The following NPAS3 variants were observed in gnomAD, a reference collection of about 807,000 sequenced individuals.
NPAS3 encodes neuronal PAS domain-containing protein 3.
A neutral mutation model predicts 73.1 loss-of-function variants in NPAS3; 14 were observed. That is an observed-to-expected ratio of 0.19 (90% CI 0.13 to 0.30). The LOEUF (loss-of-function observed/expected upper bound fraction) is 0.30, where lower values mean the gene tolerates loss of function less well. Ranked by LOEUF, NPAS3 falls within the 10% of genes least tolerant of loss-of-function variation. The pLI, the probability that NPAS3 is intolerant of heterozygous loss-of-function variation, is 1.00. For synonymous variants in NPAS3, 620 were observed against 541.5 expected (o/e 1.14, Z -2.01); for missense variants, 1,096 against 1,250.0 (o/e 0.88, Z 1.86).
chr14:33,185,335 A>G (rs972867336), intron 2 of NPAS3, among the ~76,000 whole-genome samples: 1 of 152,202 alleles, frequency 6.6e-6, no homozygotes, highest in African/African-American at 2.4e-5. Context: ...AAGGTTTCAC[A>G]TAGAGAGCCA....
At chr14:33,223,259 C>T (rs996626526) in intron 3 of NPAS3, among the ~76,000 whole-genome samples, 9 of 152,184 alleles carry the variant, frequency 5.9e-5, no homozygotes, top group Admixed American at 1.3e-4. Context: ...TGCAATGAGC[C>T]GAGACTGCGC....
At chr14:33,201,866 C>T (rs1291987236) in intron 2 of NPAS3, among the ~76,000 whole-genome samples, 2 of 152,076 alleles carry the variant, frequency 1.3e-5, no homozygotes, top group African/African-American at 4.8e-5. Flanking sequence ...CATCTGAGAA[C>T]TCTCAACAGT....
intron 4 of NPAS3, among the ~76,000 whole-genome samples, chr14:33,452,630 C>T (rs2049846631): frequency 2.6e-5 from 4 of 151,838 alleles, no homozygotes; most frequent in Admixed American, 2.6e-4. Context: ...AAAAAATTAG[C>T]CAGGCATGAT....
intron 6 of NPAS3, among the ~76,000 whole-genome samples, chr14:33,722,762 T>C (rs1358435485): frequency 6.6e-6 from 1 of 152,184 alleles, no homozygotes; most frequent in Admixed American, 6.5e-5. Context: ...CTCTAAATTA[T>C]TACAAAGTAT....
chr14:33,208,540 T>C (rs1003085501), intron 2 of NPAS3, among the ~76,000 whole-genome samples: 1 of 152,210 alleles, frequency 6.6e-6, no homozygotes, highest in Non-Finnish European at 1.5e-5. Flanking sequence ...GAGTATATCT[T>C]AGTTTAAAAA....
chr14:33,769,745 A>ATT (rs5807743), intron 7 of NPAS3, among the ~76,000 whole-genome samples: 33 of 103,328 alleles, frequency 3.2e-4, no homozygotes, highest in Non-Finnish European at 4.3e-4. Flanking sequence ...AAAGACTTGG[A>ATT]TTTTTTTTTT....
intron 3 of NPAS3, among the ~76,000 whole-genome samples, chr14:33,232,911 G>A (rs1326808892): frequency 1.3e-5 from 2 of 152,182 alleles, no homozygotes; most frequent in African/African-American, 4.8e-5. Flanking sequence ...GGCGAGTAGT[G>A]CTGGATGGTG....
At chr14:33,543,595 C>A (rs2054618280) in intron 4 of NPAS3, among the ~76,000 whole-genome samples, 1 of 151,996 alleles carries the variant, frequency 6.6e-6, no homozygotes, top group Non-Finnish European at 1.5e-5. Context: ...ATGGGATCTA[C>A]CCAGTGGATT....
intron 5 of NPAS3, among the ~76,000 whole-genome samples, chr14:33,603,967 A>G (rs530437319): frequency 1.3e-5 from 2 of 152,220 alleles, no homozygotes; most frequent in Non-Finnish European, 2.9e-5. Context: ...ACTTGAAGGC[A>G]GACTGTGATA....
At chr14:33,155,644 A>C (rs1276577942) in intron 2 of NPAS3, among the ~76,000 whole-genome samples, 1 of 152,206 alleles carries the variant, frequency 6.6e-6, no homozygotes, top group Non-Finnish European at 1.5e-5. Flanking sequence ...TTTCCTTAGC[A>C]GATAAACACA....
At chr14:33,546,567 T>C (rs745566353) in intron 4 of NPAS3, among the ~76,000 whole-genome samples, 5 of 152,264 alleles carry the variant, frequency 3.3e-5, no homozygotes, top group African/African-American at 7.2e-5. Context: ...CTGTAGGTTT[T>C]ACTCTGTATA....
Position 33,059,883 on chromosome 14 carries a change from C to T in NPAS3, c.140+3889C>T, listed in dbSNP as rs572960587. On this transcript the variant is annotated intron_variant, in intron 2 of 11. Coordinates refer to ENST00000356141, the Ensembl canonical transcript of NPAS3. ...GTGCAATCATAGCTCACTGCAGCCT[C>T]GAACTCCTGGGCTCAAGCTCCCAAG... is the stretch of plus-strand genomic sequence containing the variant. Among the ~76,000 whole-genome samples, 10 of 152,316 alleles carry T rather than the reference C, an allele frequency of 6.6e-5. No individual in the cohort carries two copies. In the South Asian group the frequency reaches 8.3e-4, roughly 13 times the overall value.
intron 4 of NPAS3, among the ~76,000 whole-genome samples, chr14:33,485,724 T>C (rs1383093423): frequency 6.6e-6 from 1 of 152,204 alleles, no homozygotes; most frequent in Non-Finnish European, 1.5e-5. Context: ...AACTACAGAA[T>C]GTCAGCCAAA....
intron 4 of NPAS3, among the ~76,000 whole-genome samples, chr14:33,536,652 A>G (rs748529304): frequency 6.6e-6 from 1 of 151,394 alleles, no homozygotes; most frequent in African/African-American, 2.5e-5. Flanking sequence ...CCATTTGAGA[A>G]CTGGTTTTCA....
Position 33,262,303 on chromosome 14 carries a change from G to A in NPAS3, c.385+46877G>A, listed in dbSNP as rs76456345. ...AAATTTTAAAGACACATTGTGCATC[G>A]TAAGCCAAGAAATAAGTGTAGGCAA... On this transcript the variant is annotated intron_variant, in intron 3 of 11. Coordinates refer to ENST00000356141, the Ensembl canonical transcript of NPAS3. Among the ~76,000 whole-genome samples, 57 of 152,214 alleles carry A rather than the reference G, an allele frequency of 3.7e-4. No individual in the cohort carries two copies. In the East Asian group the frequency reaches 9.5e-3, roughly 25 times the overall value.
intron 1 of NPAS3, among the ~76,000 whole-genome samples, chr14:33,002,506 G>C (rs1263096313): frequency 1.3e-5 from 2 of 152,174 alleles, no homozygotes; most frequent in African/African-American, 4.8e-5. Flanking sequence ...GTTAGAGATG[G>C]AGTCAAAGCA....
At chr14:33,656,265 C>T (rs1010991619) in intron 5 of NPAS3, among the ~76,000 whole-genome samples, 5 of 152,114 alleles carry the variant, frequency 3.3e-5, no homozygotes, top group Non-Finnish European at 7.3e-5. Flanking sequence ...AATTGTAATT[C>T]AGGGCAAGGA....
chr14:33,030,588 A>G (rs911627764), intron 1 of NPAS3, among the ~76,000 whole-genome samples: 2 of 152,142 alleles, frequency 1.3e-5, no homozygotes, highest in African/African-American at 4.8e-5. Flanking sequence ...GATATGAGCT[A>G]TTCACCCAGA....
intron 1 of NPAS3, among the ~76,000 whole-genome samples, chr14:32,985,897 G>T (rs1340227022): frequency 6.6e-6 from 1 of 152,140 alleles, no homozygotes; most frequent in African/African-American, 2.4e-5. Flanking sequence ...GATATAAATG[G>T]CTTTGAGTGA....
Sources: allele counts gnomAD v4.1 joint callset (sites outside exome capture counted in the v4.1 genomes callset), GRCh38; gene constraint gnomAD v4.1.1; transcripts MANE v1.5; gene names NCBI Gene and HGNC (gene_info 2026-07-23, HGNC 2026-07-21).